The following PCGF6 variants were observed in gnomAD, a reference collection of about 807,000 sequenced individuals.
PCGF6 encodes polycomb group ring finger 6, also known as polycomb group RING finger protein 6.
Under a neutral mutation model 45.5 loss-of-function variants are expected in PCGF6, and 24 were observed. The observed-to-expected ratio is 0.53, with a 90% CI of 0.38 to 0.74. The LOEUF is 0.74. Ranked by LOEUF, PCGF6 falls within the 30% of genes least tolerant of loss-of-function variation. PCGF6 has a pLI of 0.00. For synonymous variants in PCGF6, 152 were observed against 162.1 expected, an observed-to-expected ratio of 0.94 and a Z score of 0.47; for missense variants, 356 against 443.2, an observed-to-expected ratio of 0.80 and a Z score of 1.77.
intron 8 of PCGF6, among the ~76,000 whole-genome samples, chr10:103,316,797 G>A (rs542850706): frequency 5.9e-5 from 9 of 152,052 alleles, no homozygotes; most frequent in Middle Eastern, 3.2e-3. Flanking sequence ...AAGCTAGTAA[G>A]TCTAAAATCC....
intron 9 of PCGF6, among the ~76,000 whole-genome samples, chr10:103,308,401 C>CTT (rs769878283): frequency 6.9e-6 from 1 of 144,568 alleles, no homozygotes. Flanking sequence ...GATTTTAGAG[C>CTT]TTTTTTTTTT....
At chr10:103,339,806 AAAAAACACACACACACACACAC>A (rs1207367492) in intron 6 of PCGF6, among the ~76,000 whole-genome samples, 26 of 71,210 alleles carry the variant, frequency 3.7e-4, no homozygotes, top group Non-Finnish European at 5.7e-4. Context: ...TGTCTCAAAA[AAAAAACACACACACACACACAC>A]ACACACACAC....
intron 8 of PCGF6, among the ~76,000 whole-genome samples, chr10:103,315,620 A>T (rs549709759): frequency 6.6e-6 from 1 of 152,076 alleles, no homozygotes; most frequent in East Asian, 1.9e-4. Context: ...CAGCCTCCCA[A>T]AATGCTGGGA....
chr10:103,310,495 T>C (rs1259984319), intron 9 of PCGF6, among the ~76,000 whole-genome samples: 1 of 152,092 alleles, frequency 6.6e-6, no homozygotes, highest in Non-Finnish European at 1.5e-5. Flanking sequence ...CATATGTACA[T>C]TATGCACATA....
chr10:103,308,908 T>C (rs1383075704), intron 9 of PCGF6, among the ~76,000 whole-genome samples: 1 of 151,932 alleles, frequency 6.6e-6, no homozygotes, highest in Non-Finnish European at 1.5e-5. Context: ...ATAAAAAAAT[T>C]AATGGCTGCT....
chr10:103,315,721 G>A (rs1466785582), intron 8 of PCGF6, among the ~76,000 whole-genome samples: 6 of 151,970 alleles, frequency 3.9e-5, no homozygotes, highest in African/African-American at 1.5e-4. Flanking sequence ...TGCCCAGGCT[G>A]GTCTCAAACT....
intron 7 of PCGF6, among the ~76,000 whole-genome samples, chr10:103,327,167 C>T (rs534819833): frequency 5.3e-5 from 8 of 152,196 alleles, no homozygotes; most frequent in African/African-American, 1.9e-4. Flanking sequence ...TGCCTATAAT[C>T]CCAGCTACTC....
At chr10:103,349,118 G>A in intron 1 of PCGF6, 119 bp from the exon 2 acceptor site, 1 of 787,236 alleles carries the variant, frequency 1.3e-6, no homozygotes. Flanking sequence ...TGTCATCTCG[G>A]TTCACTGCAA....
intron 7 of PCGF6, among the ~76,000 whole-genome samples, chr10:103,328,818 C>T (rs569335505): frequency 8.6e-5 from 13 of 151,908 alleles, no homozygotes; most frequent in African/African-American, 2.2e-4. Context: ...GTGGAGCGAT[C>T]GTGGCTCACT....
intron 8 of PCGF6, among the ~76,000 whole-genome samples, chr10:103,321,136 G>A (rs2093195758): frequency 6.6e-6 from 1 of 152,118 alleles, no homozygotes; most frequent in South Asian, 2.1e-4. Context: ...TATTTAGAGA[G>A]CCAAGAGCTG....
At chr10:103,315,143 A>G (rs1017558881) in intron 8 of PCGF6, among the ~76,000 whole-genome samples, 3 of 152,226 alleles carry the variant, frequency 2.0e-5, no homozygotes, top group African/African-American at 7.2e-5. Context: ...AACAATTTCA[A>G]CAAGGACTTT....
At chr10:103,311,535 C>T (rs966985252) in intron 9 of PCGF6, among the ~76,000 whole-genome samples, 16 of 151,308 alleles carry the variant, frequency 1.1e-4, no homozygotes, top group African/African-American at 9.7e-5. Flanking sequence ...TGCGACCTCC[C>T]GGGCTTGAAG....
chr10:103,347,435 T>C lies in PCGF6; in HGVS notation c.573A>G (p.Leu191=). 3 of 1,607,124 alleles carry C rather than the reference T, an allele frequency of 1.9e-6. No homozygotes were observed. The highest frequency in any genetic ancestry group is 2.6e-6 in the Non-Finnish European group (3 of 1,175,016). Residue 191 remains leucine (L), a synonymous_variant, in exon 4 of 10, where the codon TTA becomes TTG. Coordinates refer to ENST00000369847, the MANE Select transcript of PCGF6 (RefSeq NM_001011663.2). ...PLYNIRLDRQ[L]QDIVYKLVIN... ...TCACTAATTTGTACACTATGTCTTG[T>C]AACTGTCGGTCCAACCTAATAAAAG... is the stretch of plus-strand genomic sequence containing the variant.
chr10:103,342,912 A>G lies in PCGF6; in HGVS notation c.782+2112T>C, dbSNP rs538974353. 1.1e-3 allele frequency among the ~76,000 whole-genome samples: 11 copies of G among 9,904 alleles called. No individual in the cohort carries two copies. The South Asian group carries it at 0.36, about 322-fold the overall frequency. The allele number at this position is 9,904 out of a possible 152,430, so 6.5% of individuals were successfully genotyped here. On this transcript the variant is annotated intron_variant, in intron 6 of 9. Transcript: ENST00000369847. ...CCACTACTATGGGCTTCTTGGGGAC[A>G]TAACAAATCTCTTGCCTTTTAGGGG... is the stretch of plus-strand genomic sequence containing the variant.
At chr10:103,333,595 G>A (rs1489878233) in intron 7 of PCGF6, among the ~76,000 whole-genome samples, 1 of 152,008 alleles carries the variant, frequency 6.6e-6, no homozygotes, top group Non-Finnish European at 1.5e-5. Flanking sequence ...AATAACTTGA[G>A]CAAAAAATGT....
In PCGF6 at chr10:103,351,030, C is replaced by T. The variant is rs1392457221; in HGVS notation, c.37G>A (p.Gly13Ser). Residue 13 changes from glycine (G) to serine (S), a missense_variant, in exon 1 of 10, where the codon GGC becomes AGC. Around this residue, in one of 2 missense-constraint regions of PCGF6, gnomAD observed 307 missense variants for 350.1 expected, o/e 0.88. Transcript: ENST00000369847. Reference protein sequence around the residue: ...GVAVVTAGSVGAAKTEGAAAL... With the variant: ...GVAVVTAGSVSAAKTEGAAAL... Reference sequence around the variant, plus strand: ...GCAGCTCCCTCGGTTTTGGCAGCGCCTACGCTGCCCGCCGTCACCACCGCG... The same window carrying T: ...GCAGCTCCCTCGGTTTTGGCAGCGCTTACGCTGCCCGCCGTCACCACCGCG... The T allele has an allele frequency of 7.1e-7, 1 of 1,399,112 alleles. No individual in the cohort carries two copies. The highest frequency in any genetic ancestry group is 9.3e-7 in the Non-Finnish European group (1 of 1,076,642). The allele number at this position is 1,399,112 out of a possible 1,614,324, so 86.7% of individuals were successfully genotyped here.
At chr10:103,310,397 G>A (rs1265139323) in intron 9 of PCGF6, among the ~76,000 whole-genome samples, 3 of 152,150 alleles carry the variant, frequency 2.0e-5, no homozygotes, top group South Asian at 4.1e-4. Flanking sequence ...GTGACAGAAA[G>A]GTTCTGTATG....
At chr10:103,307,267 A>AC (rs1453783424) in intron 9 of PCGF6, among the ~76,000 whole-genome samples, 3 of 151,966 alleles carry the variant, frequency 2.0e-5, no homozygotes, top group Non-Finnish European at 2.9e-5. Flanking sequence ...ACAAAGTGAG[A>AC]CCCCCATTTC....
chr10:103,350,945 C>G lies in PCGF6; in HGVS notation c.122G>C (p.Gly41Ala). Residue 41 changes from glycine to alanine, a missense_variant, in exon 1 of 10, where the codon GGT (glycine) becomes GCT (alanine). This residue lies in a region of PCGF6 where 307 missense variants were observed against 350.1 expected (regional missense o/e 0.88). Transcript: ENST00000369847. ...AGACAGAGGCGCCGGTCCCTCCTCACCCGCTGCGGGTGCAGGGGTGAGGGC... is the reference window on the plus strand; with the variant it reads ...AGACAGAGGCGCCGGTCCCTCCTCAGCCGCTGCGGGTGCAGGGGTGAGGGC... ...PPALTPAPAA[G>A]EEGPAPLSET... is the part of the protein sequence containing the mutation. 1 of 1,496,432 alleles carries G rather than the reference C, an allele frequency of 6.7e-7. No individual in the cohort carries two copies. The highest frequency in any genetic ancestry group is 8.9e-7 in the Non-Finnish European group (1 of 1,129,668). The allele number at this position is 1,496,432 out of a possible 1,614,324, so 92.7% of individuals were successfully genotyped here. A position where few individuals can be genotyped will look rare whatever the true frequency, so the allele number is the denominator to read the frequency against.
Sources: allele counts gnomAD v4.1 joint callset (sites outside exome capture counted in the v4.1 genomes callset), GRCh38; gene constraint gnomAD v4.1.1; regional missense constraint gnomAD v4.1.1; transcripts MANE v1.5; gene names NCBI Gene and HGNC (gene_info 2026-07-23, HGNC 2026-07-21).